The following PCNX3 variants were observed in gnomAD, a reference collection of about 807,000 sequenced individuals.
PCNX3 encodes pecanex-like protein 3.
A neutral mutation model predicts 207.2 loss-of-function variants in PCNX3; 58 were observed. That is an observed-to-expected ratio of 0.28 (90% confidence interval 0.23 to 0.35). The LOEUF is 0.35. Ranked by LOEUF, PCNX3 falls within the 10% of genes least tolerant of loss-of-function variation. The pLI is 1.00. For synonymous variants in PCNX3, 1,337 were observed against 1,183.5 expected (o/e 1.13, Z -2.66); for missense variants, 2,410 against 2,774.4 (o/e 0.87, Z 2.95).
At chr11:65,620,065 C>T (rs924329391) in intron 8 of PCNX3, 133 bp downstream of exon 8, 3 of 1,046,156 alleles carry the variant, frequency 2.9e-6, no homozygotes, top group East Asian at 2.6e-5. Flanking sequence ...ATCCTTGCAG[C>T]CTCTTTGAGG....
intron 22 of PCNX3, among the ~76,000 whole-genome samples, 157 bp from the exon 23 acceptor site, chr11:65,628,438 G>T (rs1855490157): frequency 6.6e-6 from 1 of 152,222 alleles, no homozygotes; most frequent in South Asian, 2.1e-4. Flanking sequence ...GGCGCCTTGA[G>T]CCATGTCCAG....
At chr11:65,628,999 G>T (rs1482630970) in intron 24 of PCNX3, 51 bp downstream of exon 24, 5 of 1,597,226 alleles carry the variant, frequency 3.1e-6, no homozygotes, top group East Asian at 2.2e-5. Flanking sequence ...GAAGGGAGAG[G>T]TTTGGAGCCC....
Position 65,616,285 on chromosome 11 carries a change from G to A in PCNX3, c.-27G>A, listed in dbSNP as rs772335580. 2.7e-5 allele frequency: 41 copies of A among 1,540,562 alleles called. No homozygotes were observed. Among genetic ancestry groups the A allele is most frequent in the Non-Finnish European group, 3.3e-5 (38 of 1,150,870 alleles). ...CCGCCCCCATGAGGGTCCCGGGAGG[G>A]GGGGCGCGGGCAGCAGCGGCGGGGC... On this transcript the variant is annotated 5_prime_UTR_variant, in exon 1 of 35. Coordinates refer to ENST00000355703, the MANE Select transcript of PCNX3 (RefSeq NM_032223.4).
At position 65,637,364 on chromosome 11, in the gene PCNX3, T is replaced by A; in HGVS notation, c.*386T>A. On this transcript the variant is annotated 3_prime_UTR_variant, in exon 35 of 35. Transcript: ENST00000355703. ...TGGGAAGGGTGGTTTCTTTCTTTCC[T>A]TTTTTTTCTTTTCTTTTTTTTTTTT... 5.2e-6 allele frequency: 1 copy of A among 192,412 alleles called. No homozygotes were observed. Among genetic ancestry groups the A allele is most frequent in the Admixed American group, 6.1e-5 (1 of 16,440 alleles). 11.9% of individuals were successfully genotyped at this position (192,412 alleles called of 1,614,324 possible). A position where few individuals can be genotyped will look rare whatever the true frequency, so the allele number is the denominator to read the frequency against.
intron 10 of PCNX3, 137 bp from the exon 11 acceptor site, chr11:65,622,108 T>C: frequency 7.1e-7 from 1 of 1,409,086 alleles, no homozygotes; most frequent in Non-Finnish European, 9.3e-7. Context: ...CTTTATGTGC[T>C]GATGGAAATG....
rs775987316 is a variant in PCNX3 at position 65,618,039 on chromosome 11, C to T, written c.677C>T (p.Pro226Leu). 2.7e-5 allele frequency: 43 copies of T among 1,607,212 alleles called. No homozygotes were observed. The highest frequency in any genetic ancestry group is 1.7e-5 in the Admixed American group (1 of 59,138). The change falls in exon 6 of 35, where the codon CCC (proline) becomes CTC (leucine). Residue 226 changes from proline (P) to leucine (L), a missense_variant. This residue lies in a region of PCNX3 where 1,104 missense variants were observed against 970.3 expected (regional missense o/e 1.14). Transcript: ENST00000355703. Reference protein sequence around the residue: ...EPSPLAGDGAPWSGSSMADTP... With the variant: ...EPSPLAGDGALWSGSSMADTP... ...TCTCCCCTGGCTGGAGATGGAGCGCCCTGGAGTGGGAGCAGCATGGCTGAC... is the reference window on the plus strand; with the variant it reads ...TCTCCCCTGGCTGGAGATGGAGCGCTCTGGAGTGGGAGCAGCATGGCTGAC...
chr11:65,618,345 G>C lies in PCNX3; in HGVS notation c.983G>C (p.Gly328Ala). Residue 328 changes from glycine to alanine, a missense_variant, in exon 6 of 35, where the codon GGG (glycine) becomes GCG (alanine). Physicochemically the swap from Gly to Ala is moderately conservative, Grantham distance 60. This residue lies in a region of PCNX3 where 1,104 missense variants were observed against 970.3 expected (regional missense o/e 1.14). Coordinates refer to ENST00000355703, the MANE Select transcript of PCNX3 (RefSeq NM_032223.4). ...TCCACCCATCTGGACAGCCCCCCAG[G>C]GGGGCCAGCCCCTGAGGGCAGCGAC... Reference protein sequence around the residue: ...TNSTHLDSPPGGPAPEGSDTD... With the variant: ...TNSTHLDSPPAGPAPEGSDTD... The C allele has an allele frequency of 6.2e-7, 1 of 1,612,116 alleles. No homozygotes were observed. Among genetic ancestry groups the C allele is most frequent in the South Asian group, 1.1e-5 (1 of 91,070 alleles).
Position 65,629,430 on chromosome 11 carries a change from A to G in PCNX3, c.4000+15A>G, listed in dbSNP as rs1318171067. 6.2e-7 allele frequency: 1 copy of G among 1,611,906 alleles called. No homozygotes were observed. The highest frequency in any genetic ancestry group is 8.5e-7 in the Non-Finnish European group (1 of 1,179,002). ...CAGGAACCCTGGTGTGTACCCAGCC[A>G]TCCAAGGGGCTTTAGGGCAGGGCCT... is the stretch of plus-strand genomic sequence containing the variant. On this transcript the variant is annotated intron_variant, in intron 25 of 34. Coordinates refer to ENST00000355703, the MANE Select transcript of PCNX3 (RefSeq NM_032223.4).
At chr11:65,624,174 C>G (rs767108269) in intron 13 of PCNX3, 21 bp from the exon 14 acceptor site, 1 of 1,594,744 alleles carries the variant, frequency 6.3e-7, no homozygotes, top group South Asian at 1.1e-5. Flanking sequence ...AGACCCAGCT[C>G]CTCATGGGCT....
At chr11:65,627,125 G>A (rs2135453280) in intron 21 of PCNX3, 77 bp downstream of exon 21, 1 of 1,439,204 alleles carries the variant, frequency 6.9e-7, no homozygotes, top group South Asian at 1.5e-5. Context: ...GGCCTAGAGA[G>A]GGAATGAATC....
At position 65,636,590 on chromosome 11, in the gene PCNX3, C is replaced by T; in HGVS notation, c.5793C>T (p.Gly1931=). ...GCCCGGGTCTCCTCAGTTCTGAGGG[C>T]CCCAGTGGAAAGTGGAGCCTGGGGG... ...PPGPGLLSSE[G]PSGKWSLGGR... The change falls in exon 34 of 35, where the codon GGC becomes GGT. Residue 1931 remains glycine, a synonymous_variant. Transcript: ENST00000355703. The T allele has an allele frequency of 6.3e-7, 1 of 1,591,948 alleles. No homozygotes were observed. Among genetic ancestry groups the T allele is most frequent in the Non-Finnish European group, 8.5e-7 (1 of 1,171,272 alleles).
At position 65,616,443 on chromosome 11, in the gene PCNX3, C is replaced by G. The variant is rs377695013; in HGVS notation, c.132C>G (p.Ile44Met). ...FHLYVWIFLL[I>M]FPFLLYMVLP... ...TCTATGTCTGGATCTTCCTGCTCAT[C>G]TTTCCCTTCTTACTGTACATGGTGA... Residue 44 changes from isoleucine (I) to methionine (M), a missense_variant, in exon 1 of 35, where the codon ATC (isoleucine) becomes ATG (methionine). Ile to Met is a conservative substitution (Grantham distance 10). This residue lies in a region of PCNX3 where 1,104 missense variants were observed against 970.3 expected (regional missense o/e 1.14). Transcript: ENST00000355703. 6 of 1,608,640 alleles carry G rather than the reference C, an allele frequency of 3.7e-6. No homozygotes were observed. The Admixed American group carries it at 8.4e-5, about 22-fold the overall frequency.
chr11:65,628,389 G>T (rs55971008), intron 22 of PCNX3, among the ~76,000 whole-genome samples: 1 of 152,136 alleles, frequency 6.6e-6, no homozygotes, highest in Non-Finnish European at 1.5e-5. Flanking sequence ...AATGGCCACC[G>T]CCCCCTTTGA....
chr11:65,622,430 T>G, intron 11 of PCNX3, 64 bp downstream of exon 11: 2 of 1,506,306 alleles, frequency 1.3e-6, no homozygotes, highest in Non-Finnish European at 1.8e-6. Flanking sequence ...CTCCCCAGAC[T>G]CTGTACCTGT....
At chr11:65,619,303 C>T in intron 6 of PCNX3, 1 of 467,674 alleles carries the variant, frequency 2.1e-6, no homozygotes. Flanking sequence ...TGAGGACTCT[C>T]ATCATCCACA....
At chr11:65,633,883 C>G (rs1328835209) in intron 27 of PCNX3, among the ~76,000 whole-genome samples, 1 of 152,236 alleles carries the variant, frequency 6.6e-6, no homozygotes, top group Non-Finnish European at 1.5e-5. Context: ...GAGTGCTAGC[C>G]CCAGCACAGG....
In PCNX3 at chr11:65,636,824, A is replaced by C. The variant is rs1442244858; in HGVS notation, c.5951A>C (p.Glu1984Ala). 1 of 1,547,238 alleles carries C rather than the reference A, an allele frequency of 6.5e-7. No homozygotes were observed. Among genetic ancestry groups the C allele is most frequent in the South Asian group, 1.2e-5 (1 of 83,988 alleles). The change falls in exon 35 of 35, where the codon GAG becomes GCG. Residue 1984 changes from glutamate (E) to alanine (A), a missense_variant. Glu to Ala is a moderately radical substitution (Grantham distance 107, BLOSUM62 -1). Coordinates refer to ENST00000355703, the MANE Select transcript of PCNX3 (RefSeq NM_032223.4). ...SLSLSPDVST[E>A]ASPPRASQDI... ...AGCCTCAGCCCCGATGTCAGCACTG[A>C]GGCCTCACCCCCCAGAGCTTCCCAG... is the stretch of plus-strand genomic sequence containing the variant.
rs1267635676 is a variant in PCNX3, at chr11:65,628,531, G to A, written c.3703-64G>A. The stretch of plus-strand genomic sequence containing the variant: ...GACCCAAGCCTCTGAATGGGGCCTG[G>A]CATCCGGGGGCTTCCATGAGTGACC... On this transcript the variant is annotated intron_variant, in intron 22 of 34. Transcript: ENST00000355703. The A allele has an allele frequency of 5.4e-6, 8 of 1,489,622 alleles. No homozygotes were observed. The African/African-American group carries it at 9.7e-5, about 18-fold the overall frequency. The allele number at this position is 1,489,622 out of a possible 1,614,324, so 92.3% of individuals were successfully genotyped here.
intron 5 of PCNX3, 32 bp downstream of exon 5, chr11:65,617,738 G>T (rs2135398657): frequency 1.3e-6 from 2 of 1,547,728 alleles, no homozygotes; most frequent in Non-Finnish European, 1.7e-6. Flanking sequence ...GAGGCTTGTG[G>T]GCTAGACCAG....
Sources: allele counts gnomAD v4.1 joint callset (sites outside exome capture counted in the v4.1 genomes callset), GRCh38; gene constraint gnomAD v4.1.1; regional missense constraint gnomAD v4.1.1; transcripts MANE v1.5; gene names NCBI Gene and HGNC (gene_info 2026-07-23, HGNC 2026-07-21).